The following INA variants were observed in gnomAD, a reference collection of about 807,000 sequenced individuals.
INA encodes internexin neuronal intermediate filament protein alpha.
INA carries 35 observed loss-of-function variants against 40.1 expected under a neutral mutation model. That is an observed-to-expected ratio of 0.87 (90% CI 0.67 to 1.16). The LOEUF is 1.16. Among genes scored for constraint, INA ranks in the 50% most tolerant of loss-of-function variants. The pLI is 0.00. For synonymous variants in INA, 290 were observed against 316.9 expected (o/e 0.92, Z 0.90); for missense variants, 594 against 686.7 (o/e 0.87, Z 1.51).
Position 103,288,702 on chromosome 10 carries a change from G to A in INA, c.*33G>A. The A allele has an allele frequency of 7.2e-7, 1 of 1,383,976 alleles. No homozygotes were observed. The highest frequency in any genetic ancestry group is 9.9e-7 in the Non-Finnish European group (1 of 1,010,532). 85.7% of individuals were successfully genotyped at this position (1,383,976 alleles called of 1,614,324 possible). A position where few individuals can be genotyped will look rare whatever the true frequency, so the allele number is the denominator to read the frequency against. ...GCTTTGAAAAAGTTAATGCTTAAGA[G>A]GGAATGATATGCATTTGACTTGTTA... is the stretch of plus-strand genomic sequence containing the variant. On this transcript the variant is annotated 3_prime_UTR_variant, in exon 3 of 3. Coordinates refer to ENST00000369849, the MANE Select transcript of INA (RefSeq NM_032727.4).
In INA at chr10:103,290,249, A is replaced by G. The variant is rs536503809; in HGVS notation, c.*1580A>G. 6.6e-6 allele frequency: 1 copy of G among 152,538 alleles called. No homozygotes were observed. The highest frequency in any genetic ancestry group is 2.4e-5 in the African/African-American group (1 of 41,584). 9.4% of individuals were successfully genotyped at this position (152,538 alleles called of 1,614,324 possible). On this transcript the variant is annotated 3_prime_UTR_variant, in exon 3 of 3. Transcript: ENST00000369849. Reference sequence around the variant, plus strand: ...CAATAGTTCAAGGAACTTGAAAAATACTTTTCCTTACCTTTACCCCATCCC... The same window carrying G: ...CAATAGTTCAAGGAACTTGAAAAATGCTTTTCCTTACCTTTACCCCATCCC...
Position 103,277,375 on chromosome 10 carries a change from CCTCGGCCTCGTCG to C in INA, c.175_187del (p.Ser59AlafsTer15), listed in dbSNP as rs1348988054. The C allele has an allele frequency of 2.6e-6, 4 of 1,562,904 alleles. No homozygotes were observed. Among genetic ancestry groups the C allele is most frequent in the African/African-American group, 2.8e-5 (2 of 70,702 alleles). ...AATGTGGCCTCCTCGGCCGCCTGCT[CCTCGGCCTCGTCG>C]CTCGGCCTCGGCCTGGCCTATCGCC... On this transcript the variant is annotated frameshift_variant, in exon 1 of 3. Transcript: ENST00000369849. LOFTEE classifies it high-confidence loss of function. This position sits in a 1 kb window ranked among gnomAD's most constrained non-coding sequence, Gnocchi z 5.6.
chr10:103,284,756 A>G (rs1167439207), intron 1 of INA, among the ~76,000 whole-genome samples: 3 of 126,688 alleles, frequency 2.4e-5, no homozygotes, highest in East Asian at 2.0e-4. Context: ...TCCATCTCGG[A>G]AAAAAAAAAA....
Position 103,288,587 on chromosome 10 carries a change from T to A in INA, c.1418T>A (p.Ile473Lys). The A allele has an allele frequency of 6.2e-7, 1 of 1,613,220 alleles. No homozygotes were observed. The highest frequency in any genetic ancestry group is 8.5e-7 in the Non-Finnish European group (1 of 1,179,474). ...CAGATAGGGGAAAGTTTTGAAGAAA[T>A]ATTAGAGGAGACAGTAATATCTACT... ...TSQIGESFEE[I>K]LEETVISTKK... The change falls in exon 3 of 3, where the codon ATA becomes AAA. Residue 473 changes from isoleucine (I) to lysine (K), a missense_variant. Ile to Lys is a moderately radical substitution (Grantham distance 102). Around this residue, in one of 2 missense-constraint regions of INA, gnomAD observed 379 missense variants for 496.1 expected, o/e 0.76. Transcript: ENST00000369849.
intron 1 of INA, among the ~76,000 whole-genome samples, chr10:103,282,230 T>G (rs1473628736): frequency 1.3e-5 from 2 of 152,138 alleles, no homozygotes; most frequent in Admixed American, 1.3e-4. Context: ...TGTCTAGAAC[T>G]CAGCTCCCCA....
intron 1 of INA, among the ~76,000 whole-genome samples, chr10:103,282,395 A>G (rs1308075203): frequency 6.6e-6 from 1 of 152,144 alleles, no homozygotes; most frequent in Non-Finnish European, 1.5e-5. Flanking sequence ...TCTTAACACG[A>G]TTTCAAAATG....
intron 1 of INA, among the ~76,000 whole-genome samples, chr10:103,286,335 C>CAAAAAA (rs71019675): frequency 1.9e-5 from 1 of 51,700 alleles, no homozygotes; most frequent in Non-Finnish European, 3.5e-5. Flanking sequence ...GACCTTGTCT[C>CAAAAAA]AAAAAAAAAA....
chr10:103,285,058 A>C (rs1281021765), intron 1 of INA, among the ~76,000 whole-genome samples: 3 of 152,034 alleles, frequency 2.0e-5, no homozygotes, highest in Non-Finnish European at 4.4e-5. Context: ...ATCTCGGCTC[A>C]CTGCAACCTC....
intron 1 of INA, among the ~76,000 whole-genome samples, chr10:103,284,262 G>T (rs570806585): frequency 9.8e-4 from 149 of 152,244 alleles, no homozygotes; most frequent in African/African-American, 3.5e-3. Context: ...TACCCAAAGT[G>T]CTGGGATGCC....
chr10:103,278,150 C>T lies in INA; in HGVS notation c.939C>T (p.His313=), dbSNP rs1475759957. Residue 313 remains histidine, a synonymous_variant, in exon 1 of 3, where the codon CAC becomes CAT. Transcript: ENST00000369849. This position sits in a 1 kb window ranked among gnomAD's most constrained non-coding sequence, Gnocchi z 4.9. ...EAIRASREEI[H]EYRRQLQART... is the part of the protein sequence containing the mutation. ...TCCGGGCCAGCCGCGAGGAGATCCA[C>T]GAGTATCGGCGCCAGCTGCAGGCGC... 4 of 1,612,700 alleles carry T rather than the reference C, an allele frequency of 2.5e-6. No homozygotes were observed. Among genetic ancestry groups the T allele is most frequent in the Middle Eastern group, 1.6e-4 (1 of 6,078 alleles).
rs752230954 is a variant in INA at position 103,278,146 on chromosome 10, T to C, written c.935T>C (p.Ile312Thr). Reference protein sequence around the residue: ...TEAIRASREEIHEYRRQLQAR... With the variant: ...TEAIRASREETHEYRRQLQAR... ...GCCATCCGGGCCAGCCGCGAGGAGA[T>C]CCACGAGTATCGGCGCCAGCTGCAG... The change falls in exon 1 of 3, where the codon ATC becomes ACC. Residue 312 changes from isoleucine (I) to threonine (T), a missense_variant. Transcript: ENST00000369849. This position sits in a 1 kb window ranked among gnomAD's most constrained non-coding sequence, Gnocchi z 4.9. 1.2e-6 allele frequency: 2 copies of C among 1,612,890 alleles called. No individual in the cohort carries two copies. The highest frequency in any genetic ancestry group is 2.2e-5 in the East Asian group (1 of 44,862).
At chr10:103,280,975 C>A in intron 1 of INA, 1 of 949,248 alleles carries the variant, frequency 1.1e-6, no homozygotes, top group Non-Finnish European at 1.3e-6. Flanking sequence ...TTGAAGCTTT[C>A]CTTGAAAGAC....
intron 1 of INA, among the ~76,000 whole-genome samples, chr10:103,284,589 A>G (rs557324354): frequency 6.6e-6 from 1 of 152,106 alleles, no homozygotes; most frequent in East Asian, 1.9e-4. Context: ...CCCCATCTCT[A>G]CTAAAAATAC....
intron 1 of INA, among the ~76,000 whole-genome samples, chr10:103,286,152 A>G (rs978176863): frequency 6.6e-6 from 1 of 151,704 alleles, no homozygotes; most frequent in African/African-American, 2.4e-5. Flanking sequence ...ACATAATGAG[A>G]CCTCATCTTT....
rs1233796005 is a variant in INA at position 103,278,124 on chromosome 10, A to G, written c.913A>G (p.Ile305Val). 2 of 1,612,882 alleles carry G rather than the reference A, an allele frequency of 1.2e-6. No homozygotes were observed. Among genetic ancestry groups the G allele is most frequent in the Non-Finnish European group, 8.5e-7 (1 of 1,179,840 alleles). The stretch of plus-strand genomic sequence containing the variant: ...GCAGGCGGCGCGCAGCACCGAGGCC[A>G]TCCGGGCCAGCCGCGAGGAGATCCA... ...NEQAARSTEA[I>V]RASREEIHEY... The change falls in exon 1 of 3, where the codon ATC becomes GTC. Residue 305 changes from isoleucine to valine, a missense_variant. Physicochemically the swap from Ile to Val is conservative, Grantham distance 29 (BLOSUM62 3). Transcript: ENST00000369849. The surrounding 1 kb of genome is among the most constrained non-coding windows in gnomAD (Gnocchi z 4.9).
chr10:103,277,252 C>A lies in INA; in HGVS notation c.41C>A (p.Ser14Tyr), dbSNP rs1051495557. Residue 14 changes from serine (S) to tyrosine (Y), a missense_variant, in exon 1 of 3, where the codon TCC becomes TAC. Transcript: ENST00000369849. The surrounding 1 kb of genome is among the most constrained non-coding windows in gnomAD (Gnocchi z 5.6). ...GSEHYLCSSSSYRKVFGDGSR... is the reference protein window; with the variant it reads ...GSEHYLCSSSYYRKVFGDGSR... ...GAGCACTACCTGTGCTCCTCCTCCT[C>A]CTACCGCAAGGTGTTCGGGGATGGC... 6 of 1,593,932 alleles carry A rather than the reference C, an allele frequency of 3.8e-6. No individual in the cohort carries two copies. The East Asian group carries it at 7.1e-5, about 19-fold the overall frequency.
intron 1 of INA, chr10:103,280,053 T>C (rs1457414049): frequency 2.4e-6 from 3 of 1,272,138 alleles, no homozygotes; most frequent in Non-Finnish European, 3.1e-6. Context: ...CCATTTTCTC[T>C]GCTTGTTATA....
chr10:103,289,328 T>A lies in INA; in HGVS notation c.*659T>A, dbSNP rs2093094241. On this transcript the variant is annotated 3_prime_UTR_variant, in exon 3 of 3. Coordinates refer to ENST00000369849, the MANE Select transcript of INA (RefSeq NM_032727.4). ...ATTAGATGCATGTTGACCATGTCTA[T>A]GATTCGTGTAATTACTTATCCCTGC... 1 of 152,660 alleles carries A rather than the reference T, an allele frequency of 6.6e-6. No homozygotes were observed. The highest frequency in any genetic ancestry group is 2.1e-4 in the South Asian group (1 of 4,834). 9.5% of individuals were successfully genotyped at this position (152,660 alleles called of 1,614,324 possible).
intron 1 of INA, among the ~76,000 whole-genome samples, chr10:103,282,103 A>G (rs1423198354): frequency 6.6e-6 from 1 of 152,218 alleles, no homozygotes; most frequent in Non-Finnish European, 1.5e-5. Context: ...AAGAGCAATC[A>G]ATGGTCAGAA....
Sources: gnomAD v4.1 joint callset for allele counts (sites outside exome capture counted in the v4.1 genomes callset) on GRCh38, gnomAD v4.1.1 for gene constraint, gnomAD v4.1.1 regional missense constraint, Gnocchi (gnomAD v3.1) non-coding constraint, MANE v1.5 for transcripts, NCBI Gene and HGNC (gene_info 2026-07-23, HGNC 2026-07-21) for gene names.